Variants in MYRIP observed in about 807,000 individuals in gnomAD.
The protein encoded by MYRIP is rab effector MyRIP.
In MYRIP, 49 loss-of-function variants were observed where a neutral mutation model predicts 98.0. The observed-to-expected ratio is 0.50, with a 90% CI of 0.40 to 0.63. The LOEUF (loss-of-function observed/expected upper bound fraction) is 0.63. Among genes scored for constraint, MYRIP ranks in the 30% least tolerant of loss-of-function variants. MYRIP has a pLI of 0.00. For synonymous variants in MYRIP, 404 were observed against 409.5 expected, an observed-to-expected ratio of 0.99 and a Z score of 0.16; for missense variants, 1,004 against 1,058.2, an observed-to-expected ratio of 0.95 and a Z score of 0.71.
In MYRIP at chr3:39,811,524, T is replaced by C. The variant is rs144084323; in HGVS notation, c.-31+1608T>C. On this transcript the variant is annotated intron_variant, in intron 1 of 16. Transcript: ENST00000302541. ...TTTCCCAAGACTTTGAAGATACTGC[T>C]TTCCATCTTCCTGCTCACGTTCCTT... Among the ~76,000 whole-genome samples the C allele has an allele frequency of 2.9e-3, 445 of 152,290 alleles. 1 individual carries two copies. Among genetic ancestry groups the C allele is most frequent in the African/African-American group, 8.5e-3 (353 of 41,560 alleles).
rs1279889265 is a variant in MYRIP at position 39,964,675 on chromosome 3, CATT to C, written c.110+63753_110+63755del. Among the ~76,000 whole-genome samples the C allele has an allele frequency of 1.4e-4, 22 of 152,198 alleles. 1 individual carries two copies. Among genetic ancestry groups the C allele is most frequent in the Admixed American group, 3.9e-4 (6 of 15,256 alleles). On this transcript the variant is annotated intron_variant, in intron 2 of 16. Transcript: ENST00000302541. The stretch of plus-strand genomic sequence containing the variant: ...CTTCAGGGTCAGGCTGCAAGTAAAA[CATT>C]ATTTAGAAGAGCTTTTGGCCTTTCA...
chr3:40,001,363 T>C (rs1192735552), intron 2 of MYRIP, among the ~76,000 whole-genome samples: 2 of 152,232 alleles, frequency 1.3e-5, no homozygotes, highest in South Asian at 2.1e-4. Flanking sequence ...GAGACAGTTC[T>C]ATAAAACAAG....
At chr3:39,897,426 A>G (rs1943638222) in intron 1 of MYRIP, among the ~76,000 whole-genome samples, 1 of 152,212 alleles carries the variant, frequency 6.6e-6, no homozygotes. Flanking sequence ...ATAATTAAAT[A>G]TTGACATACT....
chr3:40,080,916 A>G (rs553113086), intron 3 of MYRIP, among the ~76,000 whole-genome samples: 3 of 149,794 alleles, frequency 2.0e-5, no homozygotes, highest in South Asian at 4.2e-4. Flanking sequence ...TTTTCTCACT[A>G]AATTCTTCTT....
At chr3:40,032,131 T>C (rs1452185729) in intron 2 of MYRIP, among the ~76,000 whole-genome samples, 2 of 152,156 alleles carry the variant, frequency 1.3e-5, no homozygotes, top group Non-Finnish European at 2.9e-5. Flanking sequence ...CATTTAGTGC[T>C]ATAAATTTCC....
rs1471530970 is a variant in MYRIP, at chr3:40,218,635, T to C, written c.1905+8542T>C. ...TTTTATATATATATATATATATATA[T>C]ATATATATATATATATATATACATA... On this transcript the variant is annotated intron_variant, in intron 11 of 16. Coordinates refer to ENST00000302541, the MANE Select transcript of MYRIP (RefSeq NM_015460.4). 3.0e-4 allele frequency among the ~76,000 whole-genome samples: 16 copies of C among 52,690 alleles called. 2 individuals are homozygous for C. In the East Asian group the frequency reaches 0.012, roughly 40 times the overall value. 34.6% of individuals were successfully genotyped at this position (52,690 alleles called of 152,430 possible).
chr3:39,976,870 G>A (rs1413859774), intron 2 of MYRIP, among the ~76,000 whole-genome samples: 2 of 152,026 alleles, frequency 1.3e-5, no homozygotes, highest in Non-Finnish European at 1.5e-5. Context: ...CACAGGAAGG[G>A]GAACATCACA....
chr3:39,900,868 G>T lies in MYRIP; in HGVS notation c.52G>T (p.Val18Phe). 6.2e-7 allele frequency: 1 copy of T among 1,613,926 alleles called. No homozygotes were observed. Among genetic ancestry groups the T allele is most frequent in the Non-Finnish European group, 8.5e-7 (1 of 1,179,990 alleles). Residue 18 changes from valine to phenylalanine, a missense_variant, in exon 2 of 17, where the codon GTT (valine) becomes TTT (phenylalanine). Around this residue, in one of 3 missense-constraint regions of MYRIP, gnomAD observed 880 missense variants for 907.7 expected, o/e 0.97. Transcript: ENST00000302541. ...TTTGACTGATGATGAAACAGAGCAT[G>T]TTCTTCAGGTGGTTCAAAGAGACTT... ...SGLTDDETEH[V>F]LQVVQRDFNL... is the part of the protein sequence containing the mutation.
At chr3:40,086,234 G>A (rs1414183625) in intron 3 of MYRIP, among the ~76,000 whole-genome samples, 1 of 152,186 alleles carries the variant, frequency 6.6e-6, no homozygotes, top group East Asian at 1.9e-4. Context: ...CAGAGCCCCA[G>A]TCCAGACTCC....
chr3:39,866,894 A>G (rs975250859), intron 1 of MYRIP, among the ~76,000 whole-genome samples: 9 of 152,154 alleles, frequency 5.9e-5, no homozygotes, highest in African/African-American at 1.9e-4. Flanking sequence ...AAAAAGAACA[A>G]AGTTAGAGGC....
At chr3:39,960,318 T>A (rs1226535766) in intron 2 of MYRIP, among the ~76,000 whole-genome samples, 2 of 152,128 alleles carry the variant, frequency 1.3e-5, no homozygotes, top group South Asian at 4.1e-4. Context: ...AAAGTGGGAA[T>A]CAATTCTCAC....
At chr3:40,211,511 G>C (rs1380680582) in intron 11 of MYRIP, among the ~76,000 whole-genome samples, 1 of 152,126 alleles carries the variant, frequency 6.6e-6, no homozygotes, top group Non-Finnish European at 1.5e-5. Flanking sequence ...GTGAGTTGGA[G>C]AGTGGAGCTT....
rs116582566 is a variant in MYRIP at position 39,929,267 on chromosome 3, T to G, written c.110+28341T>G. 1.0e-2 allele frequency among the ~76,000 whole-genome samples: 1,517 copies of G among 152,122 alleles called. 16 individuals are homozygous for G. Among genetic ancestry groups the G allele is most frequent in the African/African-American group, 0.035 (1,437 of 41,546 alleles). On this transcript the variant is annotated intron_variant, in intron 2 of 16. Coordinates refer to ENST00000302541, the MANE Select transcript of MYRIP (RefSeq NM_015460.4). ...TAAATAAATGGAGAGACATACAGTG[T>G]TCATAGATTGGAAGACTCAACATAT...
At chr3:39,990,777 A>T (rs1052270676) in intron 2 of MYRIP, among the ~76,000 whole-genome samples, 1 of 152,186 alleles carries the variant, frequency 6.6e-6, no homozygotes, top group Non-Finnish European at 1.5e-5. Context: ...GTGGACTCTG[A>T]ATGCATGTTC....
intron 9 of MYRIP, among the ~76,000 whole-genome samples, chr3:40,187,556 C>T (rs1486634260): frequency 1.3e-5 from 2 of 152,238 alleles, no homozygotes. Flanking sequence ...AGTCAGAGAA[C>T]CGAGGCACAG....
intron 4 of MYRIP, among the ~76,000 whole-genome samples, chr3:40,161,719 G>A (rs1346975374): frequency 1.3e-5 from 2 of 152,078 alleles, no homozygotes; most frequent in Non-Finnish European, 2.9e-5. Flanking sequence ...CTCACCGCAG[G>A]TCAACTTTAA....
At chr3:39,824,316 G>T (rs554074427) in intron 1 of MYRIP, among the ~76,000 whole-genome samples, 2 of 152,180 alleles carry the variant, frequency 1.3e-5, no homozygotes, top group East Asian at 3.9e-4. Flanking sequence ...CTTTGCTCTG[G>T]ATTGCTTTGG....
chr3:39,993,230 T>A (rs921826881), intron 2 of MYRIP, among the ~76,000 whole-genome samples: 2 of 152,190 alleles, frequency 1.3e-5, no homozygotes, highest in African/African-American at 4.8e-5. Flanking sequence ...CCCACAATAA[T>A]GAGCCTGCTC....
intron 3 of MYRIP, among the ~76,000 whole-genome samples, chr3:40,105,961 C>G (rs913561537): frequency 6.6e-6 from 1 of 151,284 alleles, no homozygotes; most frequent in African/African-American, 2.4e-5. Context: ...GGGACACAAC[C>G]AAACCATATC....
Sources: gnomAD v4.1 joint callset for allele counts (sites outside exome capture counted in the v4.1 genomes callset) on GRCh38, gnomAD v4.1.1 for gene constraint, gnomAD v4.1.1 regional missense constraint, MANE v1.5 for transcripts, NCBI Gene and HGNC (gene_info 2026-07-23, HGNC 2026-07-21) for gene names.